TFDP2: variants seen among roughly 807,000 people sequenced by gnomAD.
TFDP2 encodes the protein transcription factor Dp-2, also known as transcription factor Dp-2 (E2F dimerization partner 2).
In TFDP2, 17 loss-of-function variants were observed where a neutral mutation model predicts 59.3. The observed-to-expected ratio is 0.29, with a 90% CI of 0.20 to 0.43. The LOEUF (loss-of-function observed/expected upper bound fraction) is 0.43. TFDP2 is among the 20% of genes least tolerant of loss of function. TFDP2 has a pLI of 1.00. For missense variants in TFDP2, 391 were observed against 528.8 expected (o/e 0.74, Z 2.56); for synonymous variants, 180 against 194.7 (o/e 0.92, Z 0.63).
intron 3 of TFDP2, among the ~76,000 whole-genome samples, chr3:142,072,428 TCACAGA>T (rs1052786893): frequency 1.3e-5 from 2 of 152,164 alleles, no homozygotes; most frequent in Non-Finnish European, 1.5e-5. Flanking sequence ...AAATGTAGTA[TCACAGA>T]CACAAAGGAT....
Position 142,113,284 on chromosome 3 carries a change from G to C in TFDP2, c.-92-11443C>G, listed in dbSNP as rs372838122. Among the ~76,000 whole-genome samples the C allele has an allele frequency of 2.1e-5, 3 of 144,740 alleles. No homozygotes were observed. The East Asian group carries it at 5.9e-4, about 29-fold the overall frequency. The allele number at this position is 144,740 out of a possible 152,430, so 95.0% of individuals were successfully genotyped here. A position where few individuals can be genotyped will look rare whatever the true frequency, so the allele number is the denominator to read the frequency against. On this transcript the variant is annotated intron_variant, in intron 1 of 12. Coordinates refer to ENST00000489671, the MANE Select transcript of TFDP2 (RefSeq NM_001178139.2). ...TTATTTATTTATTTATTTTGAGATG[G>C]AATCTCGCTCTGTCACCAGAATGGA...
intron 3 of TFDP2, among the ~76,000 whole-genome samples, chr3:142,036,999 C>T (rs570809814): frequency 1.3e-5 from 2 of 152,340 alleles, no homozygotes; most frequent in African/African-American, 2.4e-5. Context: ...ATAAGACTCT[C>T]TATGACCTCG....
At chr3:141,970,917 G>A (rs1939630563) in intron 8 of TFDP2, among the ~76,000 whole-genome samples, 1 of 151,930 alleles carries the variant, frequency 6.6e-6, no homozygotes, top group Admixed American at 6.6e-5. Context: ...CAAAAGCCAG[G>A]TGTGGTGGCG....
chr3:142,049,100 G>A (rs1439714513), intron 3 of TFDP2, among the ~76,000 whole-genome samples: 1 of 152,200 alleles, frequency 6.6e-6, no homozygotes, highest in East Asian at 1.9e-4. Context: ...GAGAAAGTAA[G>A]ATGGCAACTA....
rs3058539 is a variant in TFDP2, at chr3:141,949,075, C to CAAAAAAAA, written c.*3430_*3437dup. 1 of 85,474 alleles carries CAAAAAAAA rather than the reference C, an allele frequency of 1.2e-5. No homozygotes were observed. The highest frequency in any genetic ancestry group is 2.2e-5 in the Non-Finnish European group (1 of 45,332). 5.3% of individuals were successfully genotyped at this position (85,474 alleles called of 1,614,324 possible). ...TGGGCAACAGAGCGAGACTCAGTCTCAAAAAAAAAAAAAAAAAAAAAAAAA... is the reference window on the plus strand; with the variant it reads ...TGGGCAACAGAGCGAGACTCAGTCTCAAAAAAAAAAAAAAAAAAAAAAAAAAAAAAAAA... On this transcript the variant is annotated 3_prime_UTR_variant, in exon 13 of 13. Coordinates refer to ENST00000489671, the MANE Select transcript of TFDP2 (RefSeq NM_001178139.2).
At chr3:141,973,992 T>C (rs1940230090) in intron 8 of TFDP2, 56 bp downstream of exon 8, 1 of 1,525,586 alleles carries the variant, frequency 6.6e-7, no homozygotes, top group East Asian at 2.3e-5. Flanking sequence ...TAAATTAAAA[T>C]GCCTGTGATG....
At chr3:142,098,845 C>A (rs536801763) in intron 2 of TFDP2, among the ~76,000 whole-genome samples, 1 of 152,250 alleles carries the variant, frequency 6.6e-6, no homozygotes, top group Non-Finnish European at 1.5e-5. Flanking sequence ...GAAGACAGAC[C>A]CCTGACATCA....
At chr3:142,011,999 T>TTTTC (rs1287715188) in intron 3 of TFDP2, among the ~76,000 whole-genome samples, 5 of 151,658 alleles carry the variant, frequency 3.3e-5, no homozygotes, top group Admixed American at 1.3e-4. Flanking sequence ...CTACACTTTT[T>TTTTC]TTTCTTTCTT....
chr3:141,958,186 T>C (rs1936928392), intron 11 of TFDP2, among the ~76,000 whole-genome samples: 1 of 152,162 alleles, frequency 6.6e-6, no homozygotes, highest in African/African-American at 2.4e-5. Flanking sequence ...GATACATGTA[T>C]AGGAATGTTC....
At position 142,080,681 on chromosome 3, in the gene TFDP2, G is replaced by C. The variant is rs145378831; in HGVS notation, c.82+12380C>G. The stretch of plus-strand genomic sequence containing the variant: ...TTCCATGACAATGGAAACCAAAAAA[G>C]AGCAGATGTAGCTATACTTGTATCA... On this transcript the variant is annotated intron_variant, in intron 3 of 12. Transcript: ENST00000489671. Among the ~76,000 whole-genome samples, 169 of 152,238 alleles carry C rather than the reference G, an allele frequency of 1.1e-3. 2 individuals carry two copies. Among genetic ancestry groups the C allele is most frequent in the African/African-American group, 3.9e-3 (161 of 41,536 alleles).
rs542513090 is a variant in TFDP2 at position 142,134,766 on chromosome 3, AACAG to A, written c.-93+14413_-93+14416del. ...CACATAGATAGGTAGATAGAAAGACAACAGACAAACCTAGATACATAGTCTATCA... is the reference window on the plus strand; with the variant it reads ...CACATAGATAGGTAGATAGAAAGACAACAAACCTAGATACATAGTCTATCA... On this transcript the variant is annotated intron_variant, in intron 1 of 12. Transcript: ENST00000489671. Among the ~76,000 whole-genome samples the A allele has an allele frequency of 7.2e-5, 11 of 152,216 alleles. No homozygotes were observed. The South Asian group carries it at 2.3e-3, about 32-fold the overall frequency.
intron 3 of TFDP2, among the ~76,000 whole-genome samples, chr3:142,072,614 A>G (rs2060284856): frequency 6.6e-6 from 1 of 152,224 alleles, no homozygotes; most frequent in Admixed American, 6.5e-5. Context: ...GGGATCTTGC[A>G]GTGCCAACAA....
intron 1 of TFDP2, among the ~76,000 whole-genome samples, chr3:142,133,287 G>C (rs951700163): frequency 1.3e-5 from 2 of 150,166 alleles, no homozygotes; most frequent in African/African-American, 2.5e-5. Flanking sequence ...CACAATCACA[G>C]CTCACTGCAG....
chr3:142,120,228 G>A (rs540580084), intron 1 of TFDP2, among the ~76,000 whole-genome samples: 146 of 151,920 alleles, frequency 9.6e-4, no homozygotes, highest in African/African-American at 3.4e-3. Context: ...TGGGCTTGGT[G>A]GTGGGCGCCT....
chr3:141,945,287 AC>A lies in TFDP2; in HGVS notation c.*7225del. 6.6e-6 allele frequency: 1 copy of A among 151,970 alleles called. No homozygotes were observed. Among genetic ancestry groups the A allele is most frequent in the Non-Finnish European group, 1.5e-5 (1 of 68,122 alleles). 9.4% of individuals were successfully genotyped at this position (151,970 alleles called of 1,614,324 possible). A position where few individuals can be genotyped will look rare whatever the true frequency, so the allele number is the denominator to read the frequency against. On this transcript the variant is annotated 3_prime_UTR_variant, in exon 13 of 13. Transcript: ENST00000489671. The stretch of plus-strand genomic sequence containing the variant: ...TGGGATTACAGGCATGCGCCACCAC[AC>A]CCGGCTAATTTTATATTTTTAGTAG...
chr3:141,962,651 C>A (rs1342567524), intron 10 of TFDP2, among the ~76,000 whole-genome samples: 1 of 152,226 alleles, frequency 6.6e-6, no homozygotes, highest in East Asian at 1.9e-4. Context: ...TGAACCACCA[C>A]GCCTGGCTAA....
At chr3:142,052,857 T>C (rs1230096169) in intron 3 of TFDP2, among the ~76,000 whole-genome samples, 2 of 152,090 alleles carry the variant, frequency 1.3e-5, no homozygotes, top group African/African-American at 2.4e-5. Context: ...TCGCCCAGGC[T>C]GGAGTGCAGT....
At chr3:142,043,772 C>G (rs1226047670) in intron 3 of TFDP2, 2 of 1,593,570 alleles carry the variant, frequency 1.3e-6, no homozygotes, top group African/African-American at 1.3e-5. Flanking sequence ...CGGGCCTTGT[C>G]TGCCTTCAGC....
chr3:141,998,098 T>C (rs1019698139), intron 4 of TFDP2, among the ~76,000 whole-genome samples: 1 of 152,028 alleles, frequency 6.6e-6, no homozygotes, highest in Admixed American at 6.6e-5. Flanking sequence ...AAACATTTCC[T>C]ACATGAACAA....
Sources: gnomAD v4.1 joint callset for allele counts (sites outside exome capture counted in the v4.1 genomes callset) on GRCh38, gnomAD v4.1.1 for gene constraint, MANE v1.5 for transcripts, NCBI Gene and HGNC (gene_info 2026-07-23, HGNC 2026-07-21) for gene names.